Variants in ZDHHC2 observed in about 807,000 individuals in gnomAD.
The protein encoded by ZDHHC2 is palmitoyltransferase ZDHHC2.
ZDHHC2 carries 51 observed loss-of-function variants against 55.6 expected under a neutral mutation model. The observed-to-expected ratio is 0.92, with a 90% confidence interval of 0.73 to 1.16. ZDHHC2 has a LOEUF of 1.16. Ranked by LOEUF, ZDHHC2 falls within the 50% of genes most tolerant of loss-of-function variation. The pLI is 0.00. For missense variants in ZDHHC2, 491 were observed against 442.4 expected, an observed-to-expected ratio of 1.11 and a Z score of -0.99; for synonymous variants, 199 against 152.9, an observed-to-expected ratio of 1.30 and a Z score of -2.22.
chr8:17,190,228 C>T (rs1805948000), intron 3 of ZDHHC2, among the ~76,000 whole-genome samples: 1 of 151,534 alleles, frequency 6.6e-6, no homozygotes, highest in Admixed American at 6.6e-5. Flanking sequence ...TGCACTCCAG[C>T]CTGGGCGACA....
At chr8:17,184,187 CCT>C (rs33982727) in intron 1 of ZDHHC2, among the ~76,000 whole-genome samples, 26,829 of 151,998 alleles carry the variant, frequency 0.18, 2,853 homozygotes, top group East Asian at 0.35. Context: ...GCTTGTGGCC[CCT>C]GTCCTCATCT....
rs1006865089 is a variant in ZDHHC2, at chr8:17,220,775, A to T, written c.*554A>T. ...GAACTGTAATAATTATGAATTCATT[A>T]CAGAGTCCAGGTGGCCTGCAGTTGA... On this transcript the variant is annotated 3_prime_UTR_variant, in exon 13 of 13. Coordinates refer to ENST00000262096, the MANE Select transcript of ZDHHC2 (RefSeq NM_016353.5). 1 of 152,210 alleles carries T rather than the reference A, an allele frequency of 6.6e-6. No homozygotes were observed. Among genetic ancestry groups the T allele is most frequent in the Admixed American group, 6.5e-5 (1 of 15,278 alleles). The allele number at this position is 152,210 out of a possible 1,614,324, so 9.4% of individuals were successfully genotyped here.
At chr8:17,182,951 G>A (rs969086325) in intron 1 of ZDHHC2, among the ~76,000 whole-genome samples, 1 of 152,154 alleles carries the variant, frequency 6.6e-6, no homozygotes, top group Non-Finnish European at 1.5e-5. Flanking sequence ...TAGTAGAGAC[G>A]GGGTTTTGCC....
intron 12 of ZDHHC2, among the ~76,000 whole-genome samples, chr8:17,218,744 A>G (rs566969319): frequency 1.3e-4 from 20 of 152,332 alleles, no homozygotes; most frequent in African/African-American, 4.8e-4. Context: ...AGATCTAAAA[A>G]TACCCGATTT....
Position 17,221,728 on chromosome 8 carries a change from G to C in ZDHHC2, c.*1507G>C, listed in dbSNP as rs752152206. The C allele has an allele frequency of 6.6e-6, 1 of 152,458 alleles. No individual in the cohort carries two copies. The highest frequency in any genetic ancestry group is 1.5e-5 in the Non-Finnish European group (1 of 67,916). 9.4% of individuals were successfully genotyped at this position (152,458 alleles called of 1,614,324 possible). A position where few individuals can be genotyped will look rare whatever the true frequency, so the allele number is the denominator to read the frequency against. On this transcript the variant is annotated 3_prime_UTR_variant, in exon 13 of 13. Coordinates refer to ENST00000262096, the MANE Select transcript of ZDHHC2 (RefSeq NM_016353.5). ...CAGCCAAGTCCATTTTATAGTTTGA[G>C]TGCAATTCTTTGAACAATAGAAATA...
chr8:17,217,301 T>G (rs964803477), intron 12 of ZDHHC2, 55 bp downstream of exon 12: 1 of 1,213,202 alleles, frequency 8.2e-7, no homozygotes, highest in African/African-American at 1.5e-5. Context: ...CTAATTTTAT[T>G]AGGGCAAATA....
chr8:17,166,816 G>A (rs900650983), intron 1 of ZDHHC2, among the ~76,000 whole-genome samples: 6 of 152,168 alleles, frequency 3.9e-5, no homozygotes, highest in African/African-American at 1.4e-4. Flanking sequence ...TGGGAGGACT[G>A]AGAATTTAAC....
At position 17,201,638 on chromosome 8, in the gene ZDHHC2, G is replaced by A. The variant is rs564004848; in HGVS notation, c.476+3225G>A. Among the ~76,000 whole-genome samples, 24 of 147,354 alleles carry A rather than the reference G, an allele frequency of 1.6e-4. 2 individuals are homozygous for A. In the South Asian group the frequency reaches 3.7e-3, roughly 23 times the overall value. On this transcript the variant is annotated intron_variant, in intron 6 of 12. Transcript: ENST00000262096. The stretch of plus-strand genomic sequence containing the variant: ...CTCCCAAGTAGCTGGGACTATAGGC[G>A]CCCACCACTACGCCTCACGGTTTTT...
rs765029117 is a variant in ZDHHC2 at position 17,221,311 on chromosome 8, ATAAAC to A, written c.*1095_*1099del. On this transcript the variant is annotated 3_prime_UTR_variant, in exon 13 of 13. Coordinates refer to ENST00000262096, the MANE Select transcript of ZDHHC2 (RefSeq NM_016353.5). ...ATGCTATTTGGAAATTTAGTTTGAG[ATAAAC>A]TAAAGTGTGTTGATGCCAGAATGTT... 5.9e-5 allele frequency: 9 copies of A among 152,578 alleles called. No individual in the cohort carries two copies. The highest frequency in any genetic ancestry group is 1.9e-4 in the East Asian group (1 of 5,198). The allele number at this position is 152,578 out of a possible 1,614,324, so 9.5% of individuals were successfully genotyped here.
Position 17,162,480 on chromosome 8 carries a change from C to T in ZDHHC2, c.130+5627C>T, listed in dbSNP as rs536761557. Among the ~76,000 whole-genome samples, 9 of 152,116 alleles carry T rather than the reference C, an allele frequency of 5.9e-5. No individual in the cohort carries two copies. In the South Asian group the frequency reaches 6.2e-4, roughly 11 times the overall value. On this transcript the variant is annotated intron_variant, in intron 1 of 12. Coordinates refer to ENST00000262096, the MANE Select transcript of ZDHHC2 (RefSeq NM_016353.5). ...TTTCCAGTAATTAAACAGAAGCTGA[C>T]GGGATGGTTTCTTTATTCAAGATAA...
At position 17,205,679 on chromosome 8, in the gene ZDHHC2, A is replaced by C. The variant is rs1286036711; in HGVS notation, c.501A>C (p.Ser167=). 6.2e-7 allele frequency: 1 copy of C among 1,605,728 alleles called. No individual in the cohort carries two copies. The highest frequency in any genetic ancestry group is 2.2e-5 in the East Asian group (1 of 44,622). The change falls in exon 7 of 13, where the codon TCA becomes TCC. Residue 167 remains serine (S), a synonymous_variant. Transcript: ENST00000262096. ...GGGTGAACAATTGTGTTGGATTTTC[A>C]AATTATAAGTTCTTTCTCCTTTTCT... The part of the protein sequence containing the change: ...CPWVNNCVGF[S]NYKFFLLFLA...
chr8:17,199,612 C>CTTCTTCCTTTCTTCTTCTTCTTCTTCCT (rs1554466228), intron 6 of ZDHHC2, among the ~76,000 whole-genome samples: 1 of 68,828 alleles, frequency 1.5e-5, no homozygotes, highest in East Asian at 3.0e-4. Context: ...ATTCTTTCTT[C>CTTCTTCCTTTCTTCTTCTTCTTCTTCCT]TTCTTCTTCT....
rs1804078172 is a variant in ZDHHC2 at position 17,156,869 on chromosome 8, G to A, written c.130+16G>A. The A allele has an allele frequency of 4.7e-6, 7 of 1,485,418 alleles. No homozygotes were observed. In the South Asian group the frequency reaches 6.3e-5, roughly 13 times the overall value. The allele number at this position is 1,485,418 out of a possible 1,614,324, so 92.0% of individuals were successfully genotyped here. On this transcript the variant is annotated intron_variant, in intron 1 of 12. Transcript: ENST00000262096. The stretch of plus-strand genomic sequence containing the variant: ...CTGTGCATAGGTGAGTGCGCCCCCC[G>A]CCGCGGCGCCCCCAGCGCAGCGCAG...
chr8:17,212,786 CCAGA>C (rs1807448841), intron 10 of ZDHHC2, among the ~76,000 whole-genome samples: 1 of 152,060 alleles, frequency 6.6e-6, no homozygotes, highest in Non-Finnish European at 1.5e-5. Flanking sequence ...TGATCTGACC[CCAGA>C]CAGTCATTCT....
intron 1 of ZDHHC2, among the ~76,000 whole-genome samples, chr8:17,165,499 G>A (rs1294077721): frequency 1.3e-5 from 2 of 152,164 alleles, no homozygotes; most frequent in African/African-American, 4.8e-5. Context: ...ATTCAAAGGA[G>A]GGGGAAGGGT....
chr8:17,193,206 G>T (rs1251569376), intron 3 of ZDHHC2, among the ~76,000 whole-genome samples: 1 of 152,158 alleles, frequency 6.6e-6, no homozygotes, highest in African/African-American at 2.4e-5. Flanking sequence ...GGCTTTCCAG[G>T]TTAGGTGTTG....
At position 17,199,497 on chromosome 8, in the gene ZDHHC2, T is replaced by TTCGTCTTCGTCTTCG. The variant is rs1480481564; in HGVS notation, c.476+1086_476+1087insGTCTTCGTCTTCGTC. On this transcript the variant is annotated intron_variant, in intron 6 of 12. Transcript: ENST00000262096. ...CTTCTTCTTCTTCTTCTTCTTCTTC[T>TTCGTCTTCGTCTTCG]TCTTCTTCTTCTTCTTCGTCTTCGT... is the stretch of plus-strand genomic sequence containing the variant. 7.3e-3 allele frequency among the ~76,000 whole-genome samples: 386 copies of TTCGTCTTCGTCTTCG among 52,630 alleles called. 11 individuals are homozygous for TTCGTCTTCGTCTTCG. Among genetic ancestry groups the TTCGTCTTCGTCTTCG allele is most frequent in the South Asian group, 0.024 (36 of 1,488 alleles). The allele number at this position is 52,630 out of a possible 152,430, so 34.5% of individuals were successfully genotyped here.
Position 17,210,058 on chromosome 8 carries a change from G to T in ZDHHC2, c.857G>T (p.Ser286Ile). Residue 286 changes from serine (S) to isoleucine (I), a missense_variant and splice_region_variant, in exon 9 of 13, where the codon AGT becomes ATT. Ser to Ile is a moderately radical substitution (Grantham distance 142, BLOSUM62 -2). Transcript: ENST00000262096. ...TACTGGTTGCTACCCATTTTTTCAAGGTACTTCTTTGTTAAAATTTTCAGG... is the reference window on the plus strand; with the variant it reads ...TACTGGTTGCTACCCATTTTTTCAATGTACTTCTTTGTTAAAATTTTCAGG... ...KKYWLLPIFS[S>I]LGDGCSFPTC... 6.3e-7 allele frequency: 1 copy of T among 1,592,676 alleles called. No individual in the cohort carries two copies. The highest frequency in any genetic ancestry group is 8.6e-7 in the Non-Finnish European group (1 of 1,169,088).
At chr8:17,174,124 C>A (rs1311450382) in intron 1 of ZDHHC2, among the ~76,000 whole-genome samples, 3 of 150,186 alleles carry the variant, frequency 2.0e-5, no homozygotes, top group Admixed American at 2.0e-4. Flanking sequence ...AGGTCTTGCT[C>A]TGTCTCCCAA....
Sources: gnomAD v4.1 joint callset for allele counts (sites outside exome capture counted in the v4.1 genomes callset) on GRCh38, gnomAD v4.1.1 for gene constraint, MANE v1.5 for transcripts, NCBI Gene and HGNC (gene_info 2026-07-23, HGNC 2026-07-21) for gene names.